Variants in PPM1A observed in about 807,000 individuals in gnomAD.
PPM1A encodes the protein protein phosphatase, Mg2+/Mn2+ dependent 1A.
A neutral mutation model predicts 35.0 loss-of-function variants in PPM1A; 7 were observed. The observed-to-expected ratio is 0.20, with a 90% CI of 0.11 to 0.38. The LOEUF (loss-of-function observed/expected upper bound fraction) is 0.38. Ranked by LOEUF, PPM1A falls within the 10% of genes least tolerant of loss-of-function variation. The pLI is 1.00. For synonymous variants in PPM1A, 153 were observed against 167.3 expected (o/e 0.91, Z 0.66); for missense variants, 239 against 467.8 (o/e 0.51, Z 4.51).
chr14:60,265,163 AG>A (rs1234067451), intron 1 of PPM1A, among the ~76,000 whole-genome samples: 1 of 152,192 alleles, frequency 6.6e-6, no homozygotes, highest in African/African-American at 2.4e-5. Flanking sequence ...TGGTAACATC[AG>A]GATCAGGCTT....
chr14:60,289,073 A>G lies in PPM1A; in HGVS notation c.953-733A>G, dbSNP rs1428812735. 6.6e-6 allele frequency among the ~76,000 whole-genome samples: 1 copy of G among 152,120 alleles called. No individual in the cohort carries two copies. The highest frequency in any genetic ancestry group is 1.5e-5 in the Non-Finnish European group (1 of 67,964). ...TGCTGTGCCCTTTTAATAACTGGATATTTTAAAATTATTTTAAATGCAGTT... is the reference window on the plus strand; with the variant it reads ...TGCTGTGCCCTTTTAATAACTGGATGTTTTAAAATTATTTTAAATGCAGTT... On this transcript the variant is annotated intron_variant, in intron 3 of 5. Coordinates refer to ENST00000395076, the MANE Select transcript of PPM1A (RefSeq NM_021003.5). This position sits in a 1 kb window ranked among gnomAD's most constrained non-coding sequence, Gnocchi z 4.1.
chr14:60,276,904 T>G, intron 1 of PPM1A: 1 of 330,426 alleles, frequency 3.0e-6, no homozygotes, highest in Non-Finnish European at 4.8e-6. Flanking sequence ...AGCCTTAGAA[T>G]TTTTCAGTTT....
chr14:60,251,547 C>T (rs1419635564), intron 1 of PPM1A, among the ~76,000 whole-genome samples: 3 of 152,152 alleles, frequency 2.0e-5, no homozygotes, highest in African/African-American at 7.2e-5. Flanking sequence ...TTTCAGCTTC[C>T]AAATCAGTAA....
In PPM1A at chr14:60,288,654, G is replaced by A. The variant is rs900421875; in HGVS notation, c.953-1152G>A. On this transcript the variant is annotated intron_variant, in intron 3 of 5. Transcript: ENST00000395076. The stretch of plus-strand genomic sequence containing the variant: ...ATTTGGCCTTTATTCTAAAAGGACA[G>A]TTTGAACCATTTAAAGAAATATTAT... 11 of 601,572 alleles carry A rather than the reference G, an allele frequency of 1.8e-5. No homozygotes were observed. In the Admixed American group the frequency reaches 3.2e-4, roughly 17 times the overall value. The allele number at this position is 601,572 out of a possible 1,614,324, so 37.3% of individuals were successfully genotyped here.
chr14:60,263,953 T>A (rs1884081029), intron 1 of PPM1A, among the ~76,000 whole-genome samples: 1 of 146,468 alleles, frequency 6.8e-6, no homozygotes, highest in Non-Finnish European at 1.5e-5. Context: ...ATGTAATTTC[T>A]ACTTTTTTTT....
chr14:60,263,566 G>A (rs1363667077), intron 1 of PPM1A, among the ~76,000 whole-genome samples: 1 of 151,948 alleles, frequency 6.6e-6, no homozygotes, highest in Non-Finnish European at 1.5e-5. Flanking sequence ...CTTGTTACAT[G>A]GATATAGCAT....
intron 3 of PPM1A, chr14:60,286,014 A>G (rs1886966182): frequency 9.3e-7 from 1 of 1,070,718 alleles, no homozygotes; most frequent in Non-Finnish European, 1.1e-6. Context: ...GTGCTTTAAA[A>G]TTCTTAATGA....
upstream of PPM1A, among the ~76,000 whole-genome samples, chr14:60,247,627 C>CAAAAAAAAAAAAA (rs58749853): frequency 2.0e-5 from 1 of 50,172 alleles, no homozygotes; most frequent in African/African-American, 6.9e-5. Flanking sequence ...GACTCTGTCT[C>CAAAAAAAAAAAAA]AAAAAAAAAA....
chr14:60,252,354 A>G (rs1419666217), intron 1 of PPM1A, among the ~76,000 whole-genome samples: 2 of 152,246 alleles, frequency 1.3e-5, no homozygotes, highest in African/African-American at 2.4e-5. Flanking sequence ...ATGATTATCT[A>G]ACTCTTGCCT....
At chr14:60,261,562 G>A (rs1883744698) in intron 1 of PPM1A, among the ~76,000 whole-genome samples, 1 of 152,078 alleles carries the variant, frequency 6.6e-6, no homozygotes, top group Non-Finnish European at 1.5e-5. Flanking sequence ...ATTGGAACCA[G>A]TACAGAGTAG....
chr14:60,246,720 T>C (rs760776048), upstream of PPM1A, among the ~76,000 whole-genome samples: 1 of 152,192 alleles, frequency 6.6e-6, no homozygotes, highest in Non-Finnish European at 1.5e-5. Context: ...AATCAGACAA[T>C]ATTGATATCT....
In PPM1A at chr14:60,297,202, T is replaced by TA. The variant is rs1566617392; in HGVS notation, c.*4722dup. The TA allele has an allele frequency of 6.6e-6, 1 of 151,652 alleles. No individual in the cohort carries two copies. Among genetic ancestry groups the TA allele is most frequent in the Non-Finnish European group, 1.5e-5 (1 of 67,666 alleles). The allele number at this position is 151,652 out of a possible 1,614,324, so 9.4% of individuals were successfully genotyped here. ...AGTGTGTTACTTCATCAAGGCCAGC[T>TA]AATACTGTGTTAAACCGGGCTGAAA... On this transcript the variant is annotated 3_prime_UTR_variant, in exon 6 of 6. Coordinates refer to ENST00000395076, the MANE Select transcript of PPM1A (RefSeq NM_021003.5).
At position 60,296,011 on chromosome 14, in the gene PPM1A, T is replaced by C. The variant is rs1888039119; in HGVS notation, c.*3529T>C. Reference sequence around the variant, plus strand: ...TGCATTTATCCAACGGCCTTTATTCTTCCTGCTGACAGCAGTAACTCAGAG... The same window carrying C: ...TGCATTTATCCAACGGCCTTTATTCCTCCTGCTGACAGCAGTAACTCAGAG... On this transcript the variant is annotated 3_prime_UTR_variant, in exon 6 of 6. Coordinates refer to ENST00000395076, the MANE Select transcript of PPM1A (RefSeq NM_021003.5). The surrounding 1 kb of genome is among the most constrained non-coding windows in gnomAD (Gnocchi z 4.4). 6.6e-6 allele frequency: 1 copy of C among 151,722 alleles called. No homozygotes were observed. The highest frequency in any genetic ancestry group is 1.5e-5 in the Non-Finnish European group (1 of 67,682). The allele number at this position is 151,722 out of a possible 1,614,324, so 9.4% of individuals were successfully genotyped here. A position where few individuals can be genotyped will look rare whatever the true frequency, so the allele number is the denominator to read the frequency against.
At chr14:60,256,426 C>T (rs75594665) in intron 1 of PPM1A, among the ~76,000 whole-genome samples, 54 of 150,940 alleles carry the variant, frequency 3.6e-4, no homozygotes, top group African/African-American at 1.2e-3. Flanking sequence ...AGCAAGACAT[C>T]GTCTAAAAAA....
rs559215224 is a variant in PPM1A, at chr14:60,272,632, C to T, written c.-20-10052C>T. Among the ~76,000 whole-genome samples the T allele has an allele frequency of 4.9e-5, 7 of 142,598 alleles. No individual in the cohort carries two copies. The South Asian group carries it at 1.4e-3, about 28-fold the overall frequency. 93.5% of individuals were successfully genotyped at this position (142,598 alleles called of 152,430 possible). ...GCTGAGGCACAGAATCACTTGAAGC[C>T]GGGAGCCAAGATCATGCCGCCACAT... On this transcript the variant is annotated intron_variant, in intron 1 of 5. Transcript: ENST00000395076.
chr14:60,255,234 C>G (rs1210168176), intron 1 of PPM1A, among the ~76,000 whole-genome samples: 2 of 142,222 alleles, frequency 1.4e-5, no homozygotes, highest in African/African-American at 2.8e-5. Context: ...TGCAGTGGCG[C>G]GATCTCGGCT....
chr14:60,248,557 G>T (rs1330565556), upstream of PPM1A: 1 of 152,606 alleles, frequency 6.6e-6, no homozygotes, highest in East Asian at 1.9e-4. Flanking sequence ...ACCTGCTTGG[G>T]CTTCCTGGGG....
intron 3 of PPM1A, chr14:60,286,610 G>A (rs994301487): frequency 4.1e-6 from 4 of 985,120 alleles, no homozygotes; most frequent in Non-Finnish European, 4.8e-6. Context: ...ACCTCTAATC[G>A]CATGCAAGCA....
At chr14:60,263,661 C>T (rs1394680683) in intron 1 of PPM1A, among the ~76,000 whole-genome samples, 1 of 152,122 alleles carries the variant, frequency 6.6e-6, no homozygotes, top group Non-Finnish European at 1.5e-5. Flanking sequence ...TCAACCCTCA[C>T]CCTCTCCCAC....
Sources: gnomAD v4.1 joint callset for allele counts (sites outside exome capture counted in the v4.1 genomes callset) on GRCh38, gnomAD v4.1.1 for gene constraint, Gnocchi (gnomAD v3.1) non-coding constraint, MANE v1.5 for transcripts, NCBI Gene and HGNC (gene_info 2026-07-23, HGNC 2026-07-21) for gene names.